Variants in ADAMTSL3 observed in about 807,000 individuals in gnomAD.
ADAMTSL3 encodes the protein ADAMTS-like protein 3.
In ADAMTSL3, 128 loss-of-function variants were observed where a neutral mutation model predicts 201.7. That is an observed-to-expected ratio of 0.63 (90% CI 0.55 to 0.73). The LOEUF is 0.73. Ranked by LOEUF, ADAMTSL3 falls within the 30% of genes least tolerant of loss-of-function variation. ADAMTSL3 has a pLI of 0.00. For synonymous variants in ADAMTSL3, 738 were observed against 748.4 expected (o/e 0.99, Z 0.23); for missense variants, 1,990 against 2,119.6 (o/e 0.94, Z 1.20).
chr15:83,830,266 C>A (rs936282055), intron 6 of ADAMTSL3, among the ~76,000 whole-genome samples: 1 of 152,104 alleles, frequency 6.6e-6, no homozygotes, highest in South Asian at 2.1e-4. Context: ...GGGGCTCTCA[C>A]ATGGTTAAAT....
chr15:83,857,424 G>A (rs2064761864), intron 7 of ADAMTSL3, among the ~76,000 whole-genome samples: 1 of 152,074 alleles, frequency 6.6e-6, no homozygotes, highest in Non-Finnish European at 1.5e-5. Context: ...AGTCTTCAAT[G>A]TGTATATTGG....
chr15:83,897,922 A>G lies in ADAMTSL3; in HGVS notation c.1532A>G (p.Glu511Gly), dbSNP rs1193952193. The change falls in exon 14 of 30, where the codon GAG becomes GGG. Residue 511 changes from glutamate to glycine, a missense_variant. Transcript: ENST00000286744. ...RVVLCINHRG[E>G]HVGGCNPQLK... The stretch of plus-strand genomic sequence containing the variant: ...GTTCTGTGTATTAACCACCGCGGAG[A>G]GCATGTTGGGGGCTGCAATCCACAA... 1 of 1,613,760 alleles carries G rather than the reference A, an allele frequency of 6.2e-7. No individual in the cohort carries two copies. The highest frequency in any genetic ancestry group is 1.3e-5 in the African/African-American group (1 of 74,882).
At position 83,885,211 on chromosome 15, in the gene ADAMTSL3, A is replaced by G; in HGVS notation, c.1071A>G (p.Gly357=). The G allele has an allele frequency of 6.2e-7, 1 of 1,604,906 alleles. No individual in the cohort carries two copies. The highest frequency in any genetic ancestry group is 8.5e-7 in the Non-Finnish European group (1 of 1,171,918). Residue 357 remains glycine, a splice_region_variant and synonymous_variant, in exon 10 of 30, where the codon GGA becomes GGG. Coordinates refer to ENST00000286744, the MANE Select transcript of ADAMTSL3 (RefSeq NM_207517.3). The part of the protein sequence containing the change: ...DFFPCTVTCG[G]GYQLNSAECV... ...TTCCCTGCACTGTGACGTGTGGAGG[A>G]GGTGAGGCCCAGGCTTTGTTCATGA...
intron 5 of ADAMTSL3, among the ~76,000 whole-genome samples, chr15:83,818,323 G>T (rs967378416): frequency 9.9e-5 from 15 of 152,142 alleles, no homozygotes; most frequent in African/African-American, 3.1e-4. Flanking sequence ...TTATGGTGTG[G>T]TTTTTTTGTT....
At chr15:83,657,793 GGGCATGGCTA>G (rs1363220451) in intron 2 of ADAMTSL3, among the ~76,000 whole-genome samples, 3 of 152,214 alleles carry the variant, frequency 2.0e-5, no homozygotes, top group African/African-American at 7.2e-5. Flanking sequence ...GAGTGTGGGT[GGGCATGGCTA>G]GGTCTGTCTC....
intron 6 of ADAMTSL3, among the ~76,000 whole-genome samples, chr15:83,821,113 T>C (rs2063857134): frequency 6.6e-6 from 1 of 151,966 alleles, no homozygotes; most frequent in Non-Finnish European, 1.5e-5. Flanking sequence ...TGACAGGTTG[T>C]GAGACAGGGA....
intron 6 of ADAMTSL3, among the ~76,000 whole-genome samples, chr15:83,822,603 C>T (rs1399637290): frequency 2.7e-5 from 4 of 150,592 alleles, no homozygotes; most frequent in African/African-American, 7.4e-5. Flanking sequence ...GATGGGCGGC[C>T]GGGCAGAGAC....
chr15:83,951,590 T>A (rs1438837864), intron 19 of ADAMTSL3, among the ~76,000 whole-genome samples: 2 of 152,118 alleles, frequency 1.3e-5, no homozygotes, highest in African/African-American at 4.8e-5. Flanking sequence ...GTAAGATTGG[T>A]CTTAGTTCTT....
intron 2 of ADAMTSL3, among the ~76,000 whole-genome samples, chr15:83,692,956 G>T (rs143893229): frequency 6.6e-6 from 1 of 152,170 alleles, no homozygotes. Flanking sequence ...AGCTGTAGGG[G>T]TGAGAAAGAC....
At position 84,026,639 on chromosome 15, in the gene ADAMTSL3, C is replaced by CAT. The variant is rs200638959; in HGVS notation, c.4656+1214_4656+1215dup. Among the ~76,000 whole-genome samples the CAT allele has an allele frequency of 5.3e-3, 807 of 151,868 alleles. 3 individuals carry two copies. The highest frequency in any genetic ancestry group is 0.011 in the African/African-American group (458 of 41,414). ...ATTGAATTGAGTCCAGAGATAAACC[C>CAT]ATATATATATATCTCAATTGTTTTT... On this transcript the variant is annotated intron_variant, in intron 27 of 29. Coordinates refer to ENST00000286744, the MANE Select transcript of ADAMTSL3 (RefSeq NM_207517.3).
rs370008263 is a variant in ADAMTSL3 at position 83,982,365 on chromosome 15, C to G, written c.2737C>G (p.Arg913Gly). The change falls in exon 21 of 30, where the codon CGT becomes GGT. Residue 913 changes from arginine (R) to glycine (G), a missense_variant. Arg to Gly is a moderately radical substitution (Grantham distance 125). Coordinates refer to ENST00000286744, the MANE Select transcript of ADAMTSL3 (RefSeq NM_207517.3). ...RVYIQTREEK[R>G]INLTIGSRAY... ...CTACATTCAGACAAGGGAAGAGAAG[C>G]GTATTAACCTGACCATTGGTAGCAG... 2.5e-6 allele frequency: 4 copies of G among 1,613,940 alleles called. No homozygotes were observed. Among genetic ancestry groups the G allele is most frequent in the East Asian group, 4.5e-5 (2 of 44,888 alleles).
chr15:83,939,195 T>C (rs2066511846), intron 17 of ADAMTSL3, among the ~76,000 whole-genome samples: 1 of 152,152 alleles, frequency 6.6e-6, no homozygotes. Flanking sequence ...TTATTTAGGA[T>C]TTTTAAATCT....
intron 19 of ADAMTSL3, chr15:83,962,531 T>C (rs1292845849): frequency 6.6e-6 from 1 of 150,478 alleles, no homozygotes; most frequent in African/African-American, 2.5e-5. Flanking sequence ...TTTAATGTCT[T>C]TTTTTCTAAT....
chr15:83,801,651 A>AATATAAATATAT (rs1555445598), intron 4 of ADAMTSL3, among the ~76,000 whole-genome samples: 16 of 31,260 alleles, frequency 5.1e-4, no homozygotes, highest in South Asian at 1.7e-3. Flanking sequence ...TATAAATATA[A>AATATAAATATAT]ATATATATAT....
chr15:83,724,280 G>T (rs929657545), intron 3 of ADAMTSL3, among the ~76,000 whole-genome samples: 1 of 151,676 alleles, frequency 6.6e-6, no homozygotes, highest in Non-Finnish European at 1.5e-5. Context: ...TGTATTTTTA[G>T]TAGAGACACG....
chr15:83,927,345 C>G (rs1007895841), intron 17 of ADAMTSL3, among the ~76,000 whole-genome samples: 3 of 152,016 alleles, frequency 2.0e-5, no homozygotes, highest in African/African-American at 7.2e-5. Flanking sequence ...TCAAACTGAC[C>G]TCGAGTGATC....
At chr15:83,691,364 G>A (rs918186010) in intron 2 of ADAMTSL3, among the ~76,000 whole-genome samples, 1 of 152,184 alleles carries the variant, frequency 6.6e-6, no homozygotes, top group Non-Finnish European at 1.5e-5. Context: ...TAGCAGTGTG[G>A]AGAGTAAGAC....
At chr15:83,841,951 G>A (rs1339012470) in intron 7 of ADAMTSL3, among the ~76,000 whole-genome samples, 1 of 151,416 alleles carries the variant, frequency 6.6e-6, no homozygotes, top group Non-Finnish European at 1.5e-5. Context: ...AGAGACTCAG[G>A]GGGAAATTTG....
chr15:83,929,375 C>T (rs1051147803), intron 17 of ADAMTSL3, among the ~76,000 whole-genome samples: 1 of 152,110 alleles, frequency 6.6e-6, no homozygotes, highest in Non-Finnish European at 1.5e-5. Flanking sequence ...GGCAGGTAAC[C>T]TCTGGCATTC....
Sources: allele counts gnomAD v4.1 joint callset (sites outside exome capture counted in the v4.1 genomes callset), GRCh38; gene constraint gnomAD v4.1.1; transcripts MANE v1.5; gene names NCBI Gene and HGNC (gene_info 2026-07-23, HGNC 2026-07-21).